Variants in RPS6KA5 observed in about 807,000 individuals in gnomAD.
RPS6KA5 encodes the protein ribosomal protein S6 kinase alpha-5.
In RPS6KA5, 27 loss-of-function variants were observed where a neutral mutation model predicts 85.5. The observed-to-expected ratio is 0.32, with a 90% CI of 0.23 to 0.44. The LOEUF (loss-of-function observed/expected upper bound fraction) is 0.44. Among genes scored for constraint, RPS6KA5 ranks in the 20% least tolerant of loss-of-function variants. RPS6KA5 has a pLI of 1.00. For synonymous variants in RPS6KA5, 334 were observed against 348.2 expected (o/e 0.96, Z 0.46); for missense variants, 811 against 980.9 (o/e 0.83, Z 2.31).
At chr14:90,908,747 G>A (rs1017584671) in intron 7 of RPS6KA5, among the ~76,000 whole-genome samples, 15 of 152,198 alleles carry the variant, frequency 9.9e-5, no homozygotes, top group African/African-American at 3.1e-4. Flanking sequence ...GATAACTGGC[G>A]TGGCAGGTGG....
At chr14:90,873,601 C>T (rs750494722) in intron 16 of RPS6KA5, 31 bp downstream of exon 16, 15 of 1,547,026 alleles carry the variant, frequency 9.7e-6, no homozygotes, top group African/African-American at 2.7e-5. Context: ...CTACTCAAAC[C>T]GCCCAACATG....
chr14:90,894,484 T>C lies in RPS6KA5; in HGVS notation c.1573A>G (p.Met525Val). 1 of 1,614,178 alleles carries C rather than the reference T, an allele frequency of 6.2e-7. No homozygotes were observed. The highest frequency in any genetic ancestry group is 8.5e-7 in the Non-Finnish European group (1 of 1,180,024). Reference protein sequence around the residue: ...HFSETEASYIMRKLVSAVSHM... With the variant: ...HFSETEASYIVRKLVSAVSHM... ...CTTACAGCTGAAACAAGCTTCCTCATGATGTAGCTGGCTTCCGTCTCACTG... is the reference window on the plus strand; with the variant it reads ...CTTACAGCTGAAACAAGCTTCCTCACGATGTAGCTGGCTTCCGTCTCACTG... Residue 525 changes from methionine (M) to valine (V), a missense_variant, in exon 13 of 17, where the codon ATG (methionine) becomes GTG (valine). Coordinates refer to ENST00000614987, the MANE Select transcript of RPS6KA5 (RefSeq NM_004755.4).
chr14:90,987,616 A>G (rs984612731), intron 2 of RPS6KA5, among the ~76,000 whole-genome samples: 3 of 152,218 alleles, frequency 2.0e-5, no homozygotes, highest in African/African-American at 7.2e-5. Context: ...AAAGCAGCCC[A>G]AAGACCGCCT....
chr14:90,917,622 C>A (rs1479634415), intron 7 of RPS6KA5, among the ~76,000 whole-genome samples: 1 of 152,102 alleles, frequency 6.6e-6, no homozygotes, highest in Non-Finnish European at 1.5e-5. Flanking sequence ...GGTTAGTTTG[C>A]ATTTTCCAGA....
At chr14:90,972,892 G>A (rs746284221) in intron 3 of RPS6KA5, among the ~76,000 whole-genome samples, 7 of 152,092 alleles carry the variant, frequency 4.6e-5, no homozygotes, top group Non-Finnish European at 1.0e-4. Context: ...GAAAAAAAGA[G>A]GCAAAGGGTA....
At chr14:90,882,631 T>G (rs760366654) in intron 14 of RPS6KA5, among the ~76,000 whole-genome samples, 3 of 152,178 alleles carry the variant, frequency 2.0e-5, no homozygotes, top group Non-Finnish European at 4.4e-5. Context: ...TCCCTCCACT[T>G]TGAAGGACAG....
chr14:90,930,790 A>G (rs2036930710), intron 5 of RPS6KA5, among the ~76,000 whole-genome samples: 1 of 152,240 alleles, frequency 6.6e-6, no homozygotes, highest in South Asian at 2.1e-4. Context: ...GATGCTCAAC[A>G]TCACTAATGA....
intron 14 of RPS6KA5, among the ~76,000 whole-genome samples, chr14:90,879,946 G>GCTAA (rs1361337644): frequency 6.6e-6 from 1 of 151,986 alleles, no homozygotes; most frequent in East Asian, 1.9e-4. Context: ...ACCATGCCCA[G>GCTAA]CTAACTTTTG....
At chr14:90,888,750 A>G (rs1749741395) in intron 14 of RPS6KA5, among the ~76,000 whole-genome samples, 1 of 152,200 alleles carries the variant, frequency 6.6e-6, no homozygotes, top group Admixed American at 6.5e-5. Context: ...ATCTGACATA[A>G]AAGTCAGATA....
chr14:91,049,483 C>T (rs1464197337), intron 1 of RPS6KA5, among the ~76,000 whole-genome samples: 1 of 152,046 alleles, frequency 6.6e-6, no homozygotes, highest in East Asian at 1.9e-4. Context: ...GGCATGGTGG[C>T]GGGCGCCTGT....
chr14:90,939,773 T>C (rs1281520994), intron 5 of RPS6KA5, among the ~76,000 whole-genome samples: 1 of 152,114 alleles, frequency 6.6e-6, no homozygotes, highest in Non-Finnish European at 1.5e-5. Flanking sequence ...CATGTGGGAA[T>C]TCAAGATGAG....
intron 14 of RPS6KA5, among the ~76,000 whole-genome samples, chr14:90,881,255 A>G (rs533298079): frequency 6.6e-6 from 1 of 151,578 alleles, no homozygotes; most frequent in African/African-American, 2.4e-5. Context: ...GTTTGAGACC[A>G]GTGTGGCCAA....
intron 5 of RPS6KA5, among the ~76,000 whole-genome samples, chr14:90,941,350 G>A (rs2037561809): frequency 6.6e-6 from 1 of 152,154 alleles, no homozygotes; most frequent in East Asian, 1.9e-4. Flanking sequence ...AACATCTATG[G>A]AGATTTTGTT....
chr14:90,903,033 C>G, intron 8 of RPS6KA5, 64 bp from the exon 9 acceptor site: 1 of 1,408,626 alleles, frequency 7.1e-7, no homozygotes, highest in Non-Finnish European at 9.8e-7. Context: ...CTAAGAATAA[C>G]AAAGATAAAT....
chr14:90,941,929 A>G (rs1286117), intron 5 of RPS6KA5, among the ~76,000 whole-genome samples: 1 of 152,006 alleles, frequency 6.6e-6, no homozygotes, highest in Non-Finnish European at 1.5e-5. Flanking sequence ...ATTTTTACAA[A>G]GGCATAAAAA....
chr14:91,008,497 G>A (rs2041125662), intron 1 of RPS6KA5, among the ~76,000 whole-genome samples: 1 of 152,194 alleles, frequency 6.6e-6, no homozygotes, highest in African/African-American at 2.4e-5. Flanking sequence ...ACAGTCAAGA[G>A]TGCCTACTAA....
chr14:90,887,812 T>A (rs1595130881), intron 14 of RPS6KA5, among the ~76,000 whole-genome samples: 1 of 134,686 alleles, frequency 7.4e-6, no homozygotes, highest in Admixed American at 7.2e-5. Flanking sequence ...AAAAAAAAAA[T>A]TAGCTGGGGT....
intron 1 of RPS6KA5, among the ~76,000 whole-genome samples, chr14:91,003,106 T>C (rs1426455804): frequency 6.6e-6 from 1 of 152,132 alleles, no homozygotes; most frequent in African/African-American, 2.4e-5. Context: ...TTTTATTATG[T>C]AAAAAAGCTT....
At chr14:91,003,809 T>C (rs1361390416) in intron 1 of RPS6KA5, among the ~76,000 whole-genome samples, 1 of 152,218 alleles carries the variant, frequency 6.6e-6, no homozygotes, top group Non-Finnish European at 1.5e-5. Context: ...GAAAAGAGCT[T>C]AGCCCTGGGC....
Sources: allele counts gnomAD v4.1 joint callset (sites outside exome capture counted in the v4.1 genomes callset), GRCh38; gene constraint gnomAD v4.1.1; transcripts MANE v1.5; gene names NCBI Gene and HGNC (gene_info 2026-07-23, HGNC 2026-07-21).